CCND3: variants seen among roughly 807,000 people sequenced by gnomAD.
The protein encoded by CCND3 is G1/S-specific cyclin-D3.
A neutral mutation model predicts 28.7 loss-of-function variants in CCND3; 9 were observed. The observed-to-expected ratio is 0.31, with a 90% confidence interval of 0.19 to 0.55. CCND3 has a LOEUF of 0.55. Ranked by LOEUF, CCND3 falls within the 20% of genes least tolerant of loss-of-function variation. The probability of loss-of-function intolerance (pLI) is 0.93; values close to 1 mark genes in which losing one functional copy is unlikely to be tolerated. For synonymous variants in CCND3, 164 were observed against 163.9 expected (o/e 1.00, Z 0.00); for missense variants, 315 against 385.8 (o/e 0.82, Z 1.54).
rs565965472 is a variant in CCND3, at chr6:42,002,591, G to A, written c.-46+45910C>T. Among the ~76,000 whole-genome samples, 10 of 151,940 alleles carry A rather than the reference G, an allele frequency of 6.6e-5. No individual in the cohort carries two copies. The South Asian group carries it at 2.1e-3, about 32-fold the overall frequency. Reference sequence around the variant, plus strand: ...GAGAGGGCTGGGCGTGGTGGCTCACGCCTGTAATCCCAGCACTTTGGGAGG... The same window carrying A: ...GAGAGGGCTGGGCGTGGTGGCTCACACCTGTAATCCCAGCACTTTGGGAGG... On this transcript the variant is annotated intron_variant, in intron 1 of 4. Coordinates refer to the CCND3 transcript ENST00000372988.
intron 1 of CCND3, among the ~76,000 whole-genome samples, chr6:41,996,108 C>CAT (rs141940663): frequency 0.12 from 14,918 of 125,128 alleles, 837 homozygotes; most frequent in Non-Finnish European, 0.13. Context: ...AATCTGCTCT[C>CAT]ATATATATAT....
At chr6:42,022,696 G>C (rs903312369) in intron 1 of CCND3, among the ~76,000 whole-genome samples, 1 of 152,206 alleles carries the variant, frequency 6.6e-6, no homozygotes, top group Non-Finnish European at 1.5e-5. Context: ...GTGTCATCCC[G>C]CCTTCCTTTA....
intron 1 of CCND3, among the ~76,000 whole-genome samples, chr6:42,037,660 A>G (rs1764259074): frequency 6.6e-6 from 1 of 152,184 alleles, no homozygotes; most frequent in African/African-American, 2.4e-5. Flanking sequence ...AGGTATAGGG[A>G]GGGACAAGTC....
At chr6:42,027,362 C>T (rs1366235250) in intron 1 of CCND3, among the ~76,000 whole-genome samples, 7 of 151,422 alleles carry the variant, frequency 4.6e-5, no homozygotes, top group African/African-American at 9.7e-5. Flanking sequence ...ATGGCGTGAA[C>T]GCGGGAGGCA....
intron 1 of CCND3, among the ~76,000 whole-genome samples, chr6:42,003,222 TAA>T (rs5875781): frequency 0.98 from 144,931 of 147,924 alleles, 71,058 homozygotes; most frequent in East Asian, 1. Context: ...CTTATGAAGT[TAA>T]AAAAAAAAAG....
chr6:41,967,101 G>GAAAA (rs1044234503), intron 1 of CCND3, among the ~76,000 whole-genome samples: 1 of 152,040 alleles, frequency 6.6e-6, no homozygotes, highest in Non-Finnish European at 1.5e-5. Flanking sequence ...ATTCCTCTAG[G>GAAAA]AAAAAAACAA....
intron 1 of CCND3, among the ~76,000 whole-genome samples, chr6:42,036,961 C>T (rs1764237272): frequency 6.6e-6 from 1 of 152,006 alleles, no homozygotes; most frequent in Non-Finnish European, 1.5e-5. Context: ...TTTTTTGAGA[C>T]AGACTCTTGC....
At chr6:42,044,024 C>G (rs990735352) in intron 1 of CCND3, among the ~76,000 whole-genome samples, 4 of 152,242 alleles carry the variant, frequency 2.6e-5, no homozygotes, top group Admixed American at 6.5e-5. Context: ...GCCACATTAG[C>G]TACCCTGCTG....
In CCND3 at chr6:41,977,178, A is replaced by G. The variant is rs535727808; in HGVS notation, c.-45-36593T>C. ...CAAAATATTCATTTTCCCCACAACC[A>G]TACTTCCCAGAAATTTACATTTCAA... On this transcript the variant is annotated intron_variant, in intron 1 of 4. Coordinates refer to the CCND3 transcript ENST00000372988. Among the ~76,000 whole-genome samples, 15 of 152,244 alleles carry G rather than the reference A, an allele frequency of 9.9e-5. No individual in the cohort carries two copies. In the South Asian group the frequency reaches 2.5e-3, roughly 25 times the overall value.
chr6:41,948,033 C>G (rs1776213496), intron 1 of CCND3, among the ~76,000 whole-genome samples: 1 of 152,196 alleles, frequency 6.6e-6, no homozygotes, highest in South Asian at 2.1e-4. Context: ...GCTGTTCCAT[C>G]TGCCTGGAAT....
chr6:41,940,870 G>A (rs1405972352), intron 1 of CCND3: 3 of 1,321,678 alleles, frequency 2.3e-6, no homozygotes, highest in Non-Finnish European at 2.2e-6. Context: ...CCCCCACAGC[G>A]AGGGGAAGTG....
intron 1 of CCND3, among the ~76,000 whole-genome samples, chr6:41,968,664 C>A (rs942624692): frequency 1.3e-5 from 2 of 152,134 alleles, no homozygotes; most frequent in Admixed American, 6.5e-5. Flanking sequence ...AGTATGTTAC[C>A]TTTCTGGATT....
At chr6:41,956,930 C>T (rs1337647725) in intron 1 of CCND3, among the ~76,000 whole-genome samples, 1 of 152,082 alleles carries the variant, frequency 6.6e-6, no homozygotes, top group African/African-American at 2.4e-5. Context: ...GCTGGGGAGG[C>T]TGAGGCAGGA....
In CCND3 at chr6:42,048,162, A is replaced by C; in HGVS notation, c.-46+339T>G. ...TTGCCAGAGCACTCACAGACTCCCC[A>C]TCCACACTGGTCTGCCCTCCTACTG... On this transcript the variant is annotated intron_variant, in intron 1 of 4. Coordinates refer to the CCND3 transcript ENST00000372988. The surrounding 1 kb of genome is among the most constrained non-coding windows in gnomAD (Gnocchi z 4.7). 1 of 198,578 alleles carries C rather than the reference A, an allele frequency of 5.0e-6. No homozygotes were observed. The highest frequency in any genetic ancestry group is 6.7e-5 in the South Asian group (1 of 14,900). 12.3% of individuals were successfully genotyped at this position (198,578 alleles called of 1,614,324 possible).
chr6:42,048,459 T>C lies in CCND3; in HGVS notation c.-46+42A>G. On this transcript the variant is annotated intron_variant, in intron 1 of 4. Transcript: ENST00000372988. This position sits in a 1 kb window ranked among gnomAD's most constrained non-coding sequence, Gnocchi z 4.7. ...CCAACGCATGGTCTCCAGCCTGAGC[T>C]GACATCCCATCTACCCCGGTTTCTC... The C allele has an allele frequency of 2.1e-6, 1 of 474,736 alleles. No individual in the cohort carries two copies. 29.4% of individuals were successfully genotyped at this position (474,736 alleles called of 1,614,324 possible). A position where few individuals can be genotyped will look rare whatever the true frequency, so the allele number is the denominator to read the frequency against.
At chr6:42,023,906 T>C (rs1051516748) in intron 1 of CCND3, among the ~76,000 whole-genome samples, 2 of 152,164 alleles carry the variant, frequency 1.3e-5, no homozygotes, top group Non-Finnish European at 1.5e-5. Context: ...GCCTAAAAGT[T>C]TTGCCAGTGT....
intron 2 of CCND3, 124 bp from the exon 3 acceptor site, chr6:41,937,518 T>G: frequency 8.7e-7 from 1 of 1,154,476 alleles, no homozygotes; most frequent in Non-Finnish European, 1.2e-6. Context: ...ACCCCAGTTC[T>G]GTTTCTGATT....
intron 1 of CCND3, among the ~76,000 whole-genome samples, chr6:41,967,244 A>G (rs1761913244): frequency 1.3e-5 from 2 of 152,210 alleles, no homozygotes; most frequent in South Asian, 2.1e-4. Flanking sequence ...CCAGGGCAGC[A>G]GAGTCACCAA....
intron 1 of CCND3, among the ~76,000 whole-genome samples, chr6:42,024,679 G>T (rs1037315683): frequency 6.6e-6 from 1 of 152,126 alleles, no homozygotes; most frequent in Non-Finnish European, 1.5e-5. Flanking sequence ...CCACCATTTT[G>T]GGAGGCTGAG....
Sources: gnomAD v4.1 joint callset for allele counts (sites outside exome capture counted in the v4.1 genomes callset) on GRCh38, gnomAD v4.1.1 for gene constraint, Gnocchi (gnomAD v3.1) non-coding constraint, MANE v1.5 for transcripts, NCBI Gene and HGNC (gene_info 2026-07-23, HGNC 2026-07-21) for gene names.